TRDN: variants seen among roughly 807,000 people sequenced by gnomAD.
TRDN encodes triadin, also known as triadin in skeletal muscle.
In TRDN, 161 loss-of-function variants were observed where a neutral mutation model predicts 149.7. The ratio of observed to expected loss-of-function variants is 1.08; its 90% CI spans 0.95 to 1.23. The LOEUF (loss-of-function observed/expected upper bound fraction) is 1.23. Among genes scored for constraint, TRDN ranks in the 50% most tolerant of loss-of-function variants. TRDN has a pLI of 0.00. For synonymous variants in TRDN, 294 were observed against 250.5 expected, an observed-to-expected ratio of 1.17 and a Z score of -1.64; for missense variants, 896 against 823.5, an observed-to-expected ratio of 1.09 and a Z score of -1.08.
At chr6:123,340,649 T>C (rs1195709405) in intron 21 of TRDN, among the ~76,000 whole-genome samples, 1 of 152,024 alleles carries the variant, frequency 6.6e-6, no homozygotes, top group Non-Finnish European at 1.5e-5. Flanking sequence ...CTTTCTCTTT[T>C]GTAGTTATAA....
chr6:123,466,779 G>A (rs1466931732), intron 9 of TRDN, among the ~76,000 whole-genome samples: 1 of 151,964 alleles, frequency 6.6e-6, no homozygotes, highest in African/African-American at 2.4e-5. Context: ...TAAAATATGA[G>A]TGTCCATAAA....
At chr6:123,494,810 T>C (rs901069947) in intron 9 of TRDN, among the ~76,000 whole-genome samples, 1 of 152,002 alleles carries the variant, frequency 6.6e-6, no homozygotes, top group African/African-American at 2.4e-5. Flanking sequence ...CTCGGCTCAC[T>C]GCAAATTCTC....
intron 21 of TRDN, among the ~76,000 whole-genome samples, chr6:123,345,249 T>A (rs1402103141): frequency 6.6e-6 from 1 of 152,044 alleles, no homozygotes; most frequent in Non-Finnish European, 1.5e-5. Flanking sequence ...TTGAGGGTTT[T>A]TTGTTTTCTT....
At chr6:123,612,478 G>T (rs1040621751) in intron 1 of TRDN, among the ~76,000 whole-genome samples, 2 of 151,714 alleles carry the variant, frequency 1.3e-5, no homozygotes, top group African/African-American at 4.8e-5. Context: ...GGGCATGGTG[G>T]TGGCGGGCGC....
chr6:123,290,492 T>A (rs1443532658), intron 24 of TRDN, among the ~76,000 whole-genome samples: 3 of 152,232 alleles, frequency 2.0e-5, no homozygotes, highest in East Asian at 1.9e-4. Context: ...AAATCACTGA[T>A]GTTCATTGGC....
chr6:123,229,175 T>C (rs1775500786), intron 38 of TRDN, among the ~76,000 whole-genome samples: 1 of 151,914 alleles, frequency 6.6e-6, no homozygotes, highest in Admixed American at 6.6e-5. Context: ...TTGTCTGCAC[T>C]ATAATAGAGT....
At chr6:123,344,358 A>G (rs1780176052) in intron 21 of TRDN, among the ~76,000 whole-genome samples, 1 of 152,048 alleles carries the variant, frequency 6.6e-6, no homozygotes, top group Admixed American at 6.6e-5. Flanking sequence ...AAGTATAATG[A>G]CACGTATCTG....
chr6:123,382,063 T>C (rs1781744427), intron 15 of TRDN, 55 bp downstream of exon 15: 1 of 1,335,638 alleles, frequency 7.5e-7, no homozygotes. Context: ...TAAGAAGGTA[T>C]GCTGTTTCAT....
At chr6:123,350,685 A>C in intron 21 of TRDN, 1 of 807,990 alleles carries the variant, frequency 1.2e-6, no homozygotes, top group Non-Finnish European at 1.5e-6. Flanking sequence ...AAAATATGCA[A>C]AATATCCAAA....
Position 123,478,084 on chromosome 6 carries a change from C to CAA in TRDN, c.854-13103_854-13102dup, listed in dbSNP as rs36054866. On this transcript the variant is annotated intron_variant, in intron 9 of 40. Transcript: ENST00000334268. ...AATAAAAAAAAAGAAAAATGTTCAC[C>CAA]AAAAAAAAAAAAACCTAATATAAGA... is the stretch of plus-strand genomic sequence containing the variant. 6.4e-3 allele frequency among the ~76,000 whole-genome samples: 901 copies of CAA among 141,018 alleles called. 5 individuals are homozygous for CAA. Among genetic ancestry groups the CAA allele is most frequent in the African/African-American group, 0.022 (842 of 37,714 alleles). 92.5% of individuals were successfully genotyped at this position (141,018 alleles called of 152,430 possible).
intron 31 of TRDN, among the ~76,000 whole-genome samples, chr6:123,268,006 G>C (rs1476845489): frequency 6.6e-6 from 1 of 152,066 alleles, no homozygotes; most frequent in Non-Finnish European, 1.5e-5. Context: ...CCCTTTGGGG[G>C]CTGTGTTGTA....
At chr6:123,222,090 T>G (rs902521771) in intron 39 of TRDN, among the ~76,000 whole-genome samples, 3 of 151,752 alleles carry the variant, frequency 2.0e-5, no homozygotes, top group African/African-American at 7.2e-5. Context: ...TGAAACTATT[T>G]CTTTGAATCC....
intron 7 of TRDN, among the ~76,000 whole-genome samples, chr6:123,511,307 A>G (rs1376335141): frequency 6.6e-6 from 1 of 152,062 alleles, no homozygotes; most frequent in Non-Finnish European, 1.5e-5. Context: ...TTTATTGTAT[A>G]TTTTAAAATA....
rs1780091287 is a variant in TRDN, at chr6:123,529,128, A to G, written c.484+1378T>C. 13 of 1,513,566 alleles carry G rather than the reference A, an allele frequency of 8.6e-6. No individual in the cohort carries two copies. In the South Asian group the frequency reaches 1.5e-4, roughly 17 times the overall value. The allele number at this position is 1,513,566 out of a possible 1,614,324, so 93.8% of individuals were successfully genotyped here. ...TCTACATTACTACCGCCACTCCAGC[A>G]GCACTGTTATTAAATTAATAGCACA... is the stretch of plus-strand genomic sequence containing the variant. On this transcript the variant is annotated intron_variant, in intron 5 of 40. Transcript: ENST00000334268.
At chr6:123,350,609 T>C (rs932993074) in intron 21 of TRDN, 8 of 727,844 alleles carry the variant, frequency 1.1e-5, no homozygotes, top group Middle Eastern at 7.2e-4. Context: ...CTTCTCATAT[T>C]ACTTTATTAA....
intron 1 of TRDN, among the ~76,000 whole-genome samples, chr6:123,584,610 G>A (rs962845209): frequency 1.3e-5 from 2 of 152,122 alleles, no homozygotes; most frequent in African/African-American, 2.4e-5. Context: ...GGTAACAGAT[G>A]AGGATGAAAT....
At chr6:123,397,596 C>T (rs2114474213) in intron 12 of TRDN, among the ~76,000 whole-genome samples, 1 of 152,170 alleles carries the variant, frequency 6.6e-6, no homozygotes, top group East Asian at 1.9e-4. Flanking sequence ...ACATTAAGCT[C>T]AGGGATCTAT....
At chr6:123,595,223 A>G (rs562329970) in intron 1 of TRDN, among the ~76,000 whole-genome samples, 3 of 152,252 alleles carry the variant, frequency 2.0e-5, no homozygotes, top group Admixed American at 1.3e-4. Flanking sequence ...AATTTATTCC[A>G]TTGTTCATTT....
rs1343280356 is a variant in TRDN at position 123,490,242 on chromosome 6, A to T, written c.853+6951T>A. 2.0e-5 allele frequency among the ~76,000 whole-genome samples: 3 copies of T among 152,360 alleles called. No individual in the cohort carries two copies. The East Asian group carries it at 5.8e-4, about 29-fold the overall frequency. Reference sequence around the variant, plus strand: ...ATCCATAAAAAATGTATTCCAAGATATCCAGTAGATACCTGAAACAATGAA... The same window carrying T: ...ATCCATAAAAAATGTATTCCAAGATTTCCAGTAGATACCTGAAACAATGAA... On this transcript the variant is annotated intron_variant, in intron 9 of 40. Transcript: ENST00000334268.
Sources: gnomAD v4.1 joint callset for allele counts (sites outside exome capture counted in the v4.1 genomes callset) on GRCh38, gnomAD v4.1.1 for gene constraint, MANE v1.5 for transcripts, NCBI Gene and HGNC (gene_info 2026-07-23, HGNC 2026-07-21) for gene names.